The following DMRT1 variants were observed in gnomAD, a reference collection of about 807,000 sequenced individuals.
The protein encoded by DMRT1 is doublesex- and mab-3-related transcription factor 1.
A neutral mutation model predicts 32.3 loss-of-function variants in DMRT1; 7 were observed. The ratio of observed to expected loss-of-function variants is 0.22; its 90% CI spans 0.12 to 0.41. The LOEUF (loss-of-function observed/expected upper bound fraction) is 0.41, where lower values mean the gene tolerates loss of function less well. Among genes scored for constraint, DMRT1 ranks in the 10% least tolerant of loss-of-function variants. The pLI, the probability that DMRT1 is intolerant of heterozygous loss-of-function variation, is 1.00. For synonymous variants in DMRT1, 278 were observed against 206.1 expected, an observed-to-expected ratio of 1.35 and a Z score of -2.99; for missense variants, 625 against 500.5, an observed-to-expected ratio of 1.25 and a Z score of -2.37.
intron 4 of DMRT1, among the ~76,000 whole-genome samples, chr9:919,652 G>T (rs919510407): frequency 4.6e-5 from 7 of 152,170 alleles, no homozygotes; most frequent in Non-Finnish European, 1.0e-4. Context: ...TTCAAGCACA[G>T]GGTGATTTGT....
rs145971906 is a variant in DMRT1 at position 846,189 on chromosome 9, C to G, written c.355-771C>G. Among the ~76,000 whole-genome samples the G allele has an allele frequency of 3.3e-3, 498 of 152,040 alleles. 3 individuals carry two copies. Among genetic ancestry groups the G allele is most frequent in the African/African-American group, 0.011 (461 of 41,464 alleles). ...TGGGACTACAGGTGGGCTAACATGCCTGGCTAATTTTTGTATTTTTTTTAG... is the reference window on the plus strand; with the variant it reads ...TGGGACTACAGGTGGGCTAACATGCGTGGCTAATTTTTGTATTTTTTTTAG... On this transcript the variant is annotated intron_variant, in intron 1 of 4. Coordinates refer to ENST00000382276, the MANE Select transcript of DMRT1 (RefSeq NM_021951.3).
intron 2 of DMRT1, among the ~76,000 whole-genome samples, chr9:861,495 C>A (rs887938439): frequency 6.6e-6 from 1 of 152,268 alleles, no homozygotes; most frequent in African/African-American, 2.4e-5. Flanking sequence ...ACAATCTGAT[C>A]TTTCTTTTCC....
chr9:938,208 G>A (rs1818949043), intron 4 of DMRT1, among the ~76,000 whole-genome samples: 1 of 152,096 alleles, frequency 6.6e-6, no homozygotes, highest in Non-Finnish European at 1.5e-5. Context: ...CAGGAAATGT[G>A]ATCCCTCTAA....
chr9:936,012 T>G (rs987556448), intron 4 of DMRT1, among the ~76,000 whole-genome samples: 1 of 152,206 alleles, frequency 6.6e-6, no homozygotes, highest in Non-Finnish European at 1.5e-5. Flanking sequence ...ATTGTAATTC[T>G]GCAACTCTGA....
At chr9:867,745 C>G (rs925106571) in intron 2 of DMRT1, among the ~76,000 whole-genome samples, 10 of 152,130 alleles carry the variant, frequency 6.6e-5, no homozygotes, top group Admixed American at 2.6e-4. Context: ...AACTGGGACC[C>G]AGTAGGTGGC....
At chr9:959,355 G>C (rs1819696366) in intron 4 of DMRT1, among the ~76,000 whole-genome samples, 1 of 152,336 alleles carries the variant, frequency 6.6e-6, no homozygotes, top group Admixed American at 6.5e-5. Context: ...GGCCTGGGCT[G>C]ACAGGGTCCT....
chr9:879,066 A>T (rs958517374), intron 2 of DMRT1, among the ~76,000 whole-genome samples: 5 of 152,184 alleles, frequency 3.3e-5, no homozygotes, highest in African/African-American at 1.2e-4. Context: ...TTAGGACTTT[A>T]TTGCTGTCTA....
At chr9:956,578 CAAA>C (rs60651115) in intron 4 of DMRT1, among the ~76,000 whole-genome samples, 90 of 146,330 alleles carry the variant, frequency 6.2e-4, no homozygotes, top group Non-Finnish European at 1.2e-3. Context: ...AAAAAAAAAA[CAAA>C]AAACAAAAAA....
intron 2 of DMRT1, among the ~76,000 whole-genome samples, chr9:872,583 A>G (rs1045428469): frequency 6.6e-6 from 1 of 152,028 alleles, no homozygotes; most frequent in East Asian, 1.9e-4. Flanking sequence ...ACACTGTGGG[A>G]TTATTTGTGT....
chr9:934,239 A>G (rs886904460), intron 4 of DMRT1, among the ~76,000 whole-genome samples: 4 of 151,826 alleles, frequency 2.6e-5, no homozygotes, highest in Non-Finnish European at 4.4e-5. Flanking sequence ...ATTTTCTCCC[A>G]TTTCGTGAGT....
At chr9:920,733 T>A (rs1358857670) in intron 4 of DMRT1, among the ~76,000 whole-genome samples, 2 of 152,062 alleles carry the variant, frequency 1.3e-5, no homozygotes, top group Non-Finnish European at 2.9e-5. Flanking sequence ...GCGATCCCAA[T>A]AGAGGGAGAA....
chr9:916,788 C>G lies in DMRT1; in HGVS notation c.848C>G (p.Ala283Gly). 1 of 1,614,216 alleles carries G rather than the reference C, an allele frequency of 6.2e-7. No homozygotes were observed. The highest frequency in any genetic ancestry group is 8.5e-7 in the Non-Finnish European group (1 of 1,180,034). Residue 283 changes from alanine (A) to glycine (G), a missense_variant, in exon 4 of 5, where the codon GCA (alanine) becomes GGA (glycine). Around this residue, in one of 3 missense-constraint regions of DMRT1, gnomAD observed 416 missense variants for 321.6 expected, o/e 1.29. Transcript: ENST00000382276. ...ATGAAGAACATGGAGAACCGCCATG[C>G]AATGAGCTCCCAGTACAGGATGCAT... is the stretch of plus-strand genomic sequence containing the variant. ...WQMKNMENRHAMSSQYRMHSY... is the reference protein window; with the variant it reads ...WQMKNMENRHGMSSQYRMHSY...
chr9:925,479 C>A (rs756806884), intron 4 of DMRT1, among the ~76,000 whole-genome samples: 33 of 152,282 alleles, frequency 2.2e-4, no homozygotes, highest in Middle Eastern at 3.4e-3. Context: ...GTCAGGGGTG[C>A]TTATTCAATA....
chr9:950,045 G>A (rs1358561359), intron 4 of DMRT1, among the ~76,000 whole-genome samples: 1 of 152,146 alleles, frequency 6.6e-6, no homozygotes, highest in African/African-American at 2.4e-5. Context: ...ACCTTTTCAA[G>A]ATCCTGATTT....
At chr9:866,767 C>A (rs549373104) in intron 2 of DMRT1, among the ~76,000 whole-genome samples, 1 of 152,280 alleles carries the variant, frequency 6.6e-6, no homozygotes, top group East Asian at 1.9e-4. Flanking sequence ...GGAGCTGCTA[C>A]CTTGTAGAGT....
At chr9:876,398 C>A (rs1020702542) in intron 2 of DMRT1, among the ~76,000 whole-genome samples, 2 of 152,166 alleles carry the variant, frequency 1.3e-5, no homozygotes, top group Non-Finnish European at 2.9e-5. Flanking sequence ...AGGCCTAGAC[C>A]ATCACAGTCT....
chr9:845,674 G>A (rs1838873710), intron 1 of DMRT1, among the ~76,000 whole-genome samples: 2 of 151,822 alleles, frequency 1.3e-5, no homozygotes, highest in African/African-American at 2.4e-5. Context: ...CTTCCTTCAG[G>A]GACTTCAACA....
chr9:946,104 T>C (rs374187626), intron 4 of DMRT1, among the ~76,000 whole-genome samples: 42 of 152,224 alleles, frequency 2.8e-4, no homozygotes, highest in African/African-American at 9.1e-4. Context: ...ATTTTCTTAT[T>C]TATTGGCAGT....
intron 3 of DMRT1, among the ~76,000 whole-genome samples, chr9:905,814 G>A (rs1817755052): frequency 6.6e-6 from 1 of 152,128 alleles, no homozygotes; most frequent in African/African-American, 2.4e-5. Context: ...GGAAACTGGG[G>A]CTCAGGGAGA....
Sources: gnomAD v4.1 joint callset for allele counts (sites outside exome capture counted in the v4.1 genomes callset) on GRCh38, gnomAD v4.1.1 for gene constraint, gnomAD v4.1.1 regional missense constraint, MANE v1.5 for transcripts, NCBI Gene and HGNC (gene_info 2026-07-23, HGNC 2026-07-21) for gene names.